The following HERPUD2 variants were observed in gnomAD, a reference collection of about 807,000 sequenced individuals.
The protein encoded by HERPUD2 is HERPUD family member 2, also known as homocysteine-responsive endoplasmic reticulum-resident ubiquitin-like domain member 2 protein.
HERPUD2 carries 13 observed loss-of-function variants against 49.9 expected under a neutral mutation model. The observed-to-expected ratio is 0.26, with a 90% CI of 0.17 to 0.41. The LOEUF is 0.41. HERPUD2 is among the 10% of genes least tolerant of loss of function. The probability of loss-of-function intolerance (pLI) is 1.00; values close to 1 mark genes in which losing one functional copy is unlikely to be tolerated. For synonymous variants in HERPUD2, 172 were observed against 171.4 expected (o/e 1.00, Z -0.03); for missense variants, 449 against 492.2 (o/e 0.91, Z 0.83).
intron 3 of HERPUD2, 58 bp from the exon 4 acceptor site, chr7:35,670,386 A>T (rs1359806198): frequency 9.5e-6 from 7 of 737,448 alleles, no homozygotes; most frequent in African/African-American, 1.8e-5. Flanking sequence ...CAGTTCAAAA[A>T]GTCAGTAGCT....
intron 4 of HERPUD2, among the ~76,000 whole-genome samples, chr7:35,667,819 G>T (rs1413779574): frequency 6.6e-6 from 1 of 152,056 alleles, no homozygotes; most frequent in African/African-American, 2.4e-5. Flanking sequence ...ACTAGAAATG[G>T]CCGAGGAGCA....
chr7:35,666,047 A>G (rs1299218660), intron 5 of HERPUD2, among the ~76,000 whole-genome samples: 1 of 152,222 alleles, frequency 6.6e-6, no homozygotes, highest in Admixed American at 6.5e-5. Context: ...CAAATAAAAT[A>G]AGTAAAATCA....
intron 5 of HERPUD2, 76 bp from the exon 6 acceptor site, chr7:35,638,548 C>G: frequency 7.4e-7 from 1 of 1,358,124 alleles, no homozygotes; most frequent in Non-Finnish European, 1.0e-6. Context: ...ATTTCTGAAC[C>G]CCAAGTCAAC....
intron 2 of HERPUD2, among the ~76,000 whole-genome samples, chr7:35,687,420 C>G (rs79494179): frequency 0.013 from 2,046 of 152,248 alleles, 43 homozygotes; most frequent in East Asian, 0.072. Context: ...CAATACTTCA[C>G]CCTAAATGAA....
intron 5 of HERPUD2, among the ~76,000 whole-genome samples, chr7:35,652,364 C>T (rs1041479264): frequency 2.6e-5 from 4 of 152,150 alleles, no homozygotes; most frequent in African/African-American, 9.7e-5. Context: ...TCTGACACCT[C>T]GCCCAACAAT....
rs145516386 is a variant in HERPUD2, at chr7:35,641,991, G to C, written c.495-3519C>G. ...GATCTAATTAAACTTAAGAGCTTCTGCACAGCAAAAGAAACTATCACCAGA... is the reference window on the plus strand; with the variant it reads ...GATCTAATTAAACTTAAGAGCTTCTCCACAGCAAAAGAAACTATCACCAGA... On this transcript the variant is annotated intron_variant, in intron 5 of 8. Coordinates refer to ENST00000311350, the MANE Select transcript of HERPUD2 (RefSeq NM_022373.5). 2.0e-5 allele frequency among the ~76,000 whole-genome samples: 3 copies of C among 152,270 alleles called. No homozygotes were observed. In the East Asian group the frequency reaches 5.8e-4, roughly 29 times the overall value.
intron 5 of HERPUD2, among the ~76,000 whole-genome samples, chr7:35,660,491 C>T (rs1219306930): frequency 6.6e-6 from 1 of 152,192 alleles, no homozygotes; most frequent in Non-Finnish European, 1.5e-5. Flanking sequence ...TACAGTCCCA[C>T]CAACAGTGTA....
intron 4 of HERPUD2, among the ~76,000 whole-genome samples, chr7:35,669,240 T>C (rs1306888190): frequency 6.6e-6 from 1 of 152,210 alleles, no homozygotes. Context: ...TTATTTAGTT[T>C]AATGTAAGCT....
intron 6 of HERPUD2, among the ~76,000 whole-genome samples, chr7:35,637,138 A>AAAAAGAAAGAAAG (rs761260596): frequency 7.4e-6 from 1 of 135,694 alleles, no homozygotes; most frequent in African/African-American, 2.7e-5. Flanking sequence ...GTCTCAAAAA[A>AAAAAGAAAGAAAG]AAAGAAAGAA....
At chr7:35,673,404 C>A in intron 2 of HERPUD2, 126 bp from the exon 3 acceptor site, 1 of 653,892 alleles carries the variant, frequency 1.5e-6, no homozygotes, top group Non-Finnish European at 2.6e-6. Context: ...AAAACTGACA[C>A]AATTTAAGAA....
chr7:35,637,690 G>A (rs538425457), intron 6 of HERPUD2, among the ~76,000 whole-genome samples: 106 of 152,262 alleles, frequency 7.0e-4, no homozygotes, highest in African/African-American at 2.4e-3. Flanking sequence ...CCTCTCTACC[G>A]ACTATGAGTG....
intron 4 of HERPUD2, among the ~76,000 whole-genome samples, chr7:35,669,573 CAAT>C (rs1785604239): frequency 6.6e-6 from 1 of 152,084 alleles, no homozygotes; most frequent in Non-Finnish European, 1.5e-5. Flanking sequence ...GGATTGGGGA[CAAT>C]GTTTTTGAAA....
chr7:35,682,806 AC>A (rs1785943471), intron 2 of HERPUD2, among the ~76,000 whole-genome samples: 1 of 147,402 alleles, frequency 6.8e-6, no homozygotes, highest in Non-Finnish European at 1.5e-5. Context: ...CGAGAACTCA[AC>A]CCCTTTTACA....
chr7:35,668,128 A>C (rs1446849219), intron 4 of HERPUD2, among the ~76,000 whole-genome samples: 1 of 152,224 alleles, frequency 6.6e-6, no homozygotes, highest in East Asian at 1.9e-4. Context: ...CATTAACAAG[A>C]GTTATAACCT....
At chr7:35,673,673 T>C (rs1001209356) in intron 2 of HERPUD2, among the ~76,000 whole-genome samples, 3 of 152,180 alleles carry the variant, frequency 2.0e-5, no homozygotes, top group African/African-American at 7.2e-5. Flanking sequence ...GGATAAAATT[T>C]CGATGTCACC....
chr7:35,635,499 A>G, intron 6 of HERPUD2, 41 bp from the exon 7 acceptor site: 2 of 1,506,002 alleles, frequency 1.3e-6, no homozygotes, highest in Non-Finnish European at 1.8e-6. Context: ...AGAAAAAAAA[A>G]CTTTACCATA....
intron 6 of HERPUD2, 64 bp from the exon 7 acceptor site, chr7:35,635,522 A>G: frequency 7.3e-7 from 1 of 1,361,420 alleles, no homozygotes; most frequent in Non-Finnish European, 1.0e-6. Context: ...ATATTTTTTT[A>G]AACTTCTTGG....
chr7:35,653,993 A>G (rs1455266925), intron 5 of HERPUD2, among the ~76,000 whole-genome samples: 1 of 152,218 alleles, frequency 6.6e-6, no homozygotes, highest in Admixed American at 6.5e-5. Context: ...GACTGTCTCT[A>G]AAACAACAAC....
At chr7:35,682,263 A>G (rs568512167) in intron 2 of HERPUD2, among the ~76,000 whole-genome samples, 970 of 36,906 alleles carry the variant, frequency 0.026, 38 homozygotes, top group Middle Eastern at 0.045. Context: ...GTGTGTGTGT[A>G]TATATAGATA....
Sources: gnomAD v4.1 joint callset for allele counts (sites outside exome capture counted in the v4.1 genomes callset) on GRCh38, gnomAD v4.1.1 for gene constraint, MANE v1.5 for transcripts, NCBI Gene and HGNC (gene_info 2026-07-23, HGNC 2026-07-21) for gene names.